Variants in CDH13 observed in about 807,000 individuals in gnomAD.
CDH13 encodes cadherin 13.
In CDH13, 24 loss-of-function variants were observed where a neutral mutation model predicts 63.8. The observed-to-expected ratio is 0.38, with a 90% CI of 0.27 to 0.53. The LOEUF (loss-of-function observed/expected upper bound fraction) is 0.53. CDH13 is among the 20% of genes least tolerant of loss of function. CDH13 has a pLI of 0.85. For synonymous variants in CDH13, 503 were observed against 355.3 expected (o/e 1.42, Z -4.67); for missense variants, 1,049 against 903.1 (o/e 1.16, Z -2.07).
At position 83,254,296 on chromosome 16, in the gene CDH13, G is replaced by GTTCC. The variant is rs1334119913; in HGVS notation, c.636+36802_636+36805dup. On this transcript the variant is annotated intron_variant, in intron 5 of 13. Coordinates refer to ENST00000567109, the MANE Select transcript of CDH13 (RefSeq NM_001257.5). ...TAGCTCACTGCTTAGCATCATGATC[G>GTTCC]TTCCTTAAAATGAGATTCAGGGCTC... Among the ~76,000 whole-genome samples, 7 of 152,168 alleles carry GTTCC rather than the reference G, an allele frequency of 4.6e-5. No individual in the cohort carries two copies. The East Asian group carries it at 1.3e-3, about 29-fold the overall frequency.
rs16960969 is a variant in CDH13 at position 83,597,873 on chromosome 16, G to A, written c.961-4581G>A. Among the ~76,000 whole-genome samples, 1,486 of 152,208 alleles carry A rather than the reference G, an allele frequency of 9.8e-3. 95 individuals are homozygous for A. In the East Asian group the frequency reaches 0.17, roughly 18 times the overall value. ...CAATGTATCCTTCCCTTGTGCTACC[G>A]TAAGAATTTGTACATACCTCTGCTA... On this transcript the variant is annotated intron_variant, in intron 7 of 13. Transcript: ENST00000567109.
intron 7 of CDH13, among the ~76,000 whole-genome samples, chr16:83,563,554 G>T (rs888609033): frequency 6.6e-6 from 1 of 152,288 alleles, no homozygotes; most frequent in Middle Eastern, 3.4e-3. Flanking sequence ...CAGTTATCCT[G>T]TCCTTACTGT....
intron 6 of CDH13, among the ~76,000 whole-genome samples, chr16:83,448,018 G>A (rs570456333): frequency 6.6e-5 from 10 of 152,226 alleles, no homozygotes; most frequent in Admixed American, 3.9e-4. Flanking sequence ...GAACTTGCCT[G>A]GAGCAGGTAC....
At chr16:83,519,131 A>C (rs895045696) in intron 7 of CDH13, among the ~76,000 whole-genome samples, 1 of 152,182 alleles carries the variant, frequency 6.6e-6, no homozygotes. Flanking sequence ...TTTTATAGGG[A>C]CTGGGACACA....
chr16:83,785,542 C>A (rs745365028), intron 13 of CDH13, among the ~76,000 whole-genome samples: 3 of 152,150 alleles, frequency 2.0e-5, no homozygotes, highest in Non-Finnish European at 4.4e-5. Flanking sequence ...ACACATTATG[C>A]TTGTTTGCCC....
chr16:82,694,615 T>C (rs1017847634), intron 1 of CDH13, among the ~76,000 whole-genome samples: 2 of 152,222 alleles, frequency 1.3e-5, no homozygotes, highest in African/African-American at 4.8e-5. Flanking sequence ...TACTCAGCTT[T>C]TTTGGTGAAT....
chr16:83,127,945 G>A (rs913782894), intron 4 of CDH13, among the ~76,000 whole-genome samples: 2 of 152,204 alleles, frequency 1.3e-5, no homozygotes, highest in Non-Finnish European at 2.9e-5. Context: ...CCTAGCCACT[G>A]TGATGATCCT....
intron 6 of CDH13, among the ~76,000 whole-genome samples, chr16:83,420,129 A>G (rs2071673501): frequency 2.0e-5 from 3 of 152,206 alleles, no homozygotes; most frequent in African/African-American, 7.2e-5. Context: ...TCTCAAGATC[A>G]GGACATAGAG....
rs189454518 is a variant in CDH13, at chr16:83,539,817, A to G, written c.960+53162A>G. ...CACTCTGTGTGGCCCCAGAGGAGGA[A>G]TGGTTCTAGAAAGAAATATTTTAGC... is the stretch of plus-strand genomic sequence containing the variant. On this transcript the variant is annotated intron_variant, in intron 7 of 13. Coordinates refer to ENST00000567109, the MANE Select transcript of CDH13 (RefSeq NM_001257.5). 2.8e-3 allele frequency among the ~76,000 whole-genome samples: 426 copies of G among 152,302 alleles called. 7 individuals are homozygous for G. The highest frequency in any genetic ancestry group is 1.0e-3 in the Non-Finnish European group (70 of 68,024).
chr16:83,458,332 A>C (rs1481426900), intron 6 of CDH13, among the ~76,000 whole-genome samples: 1 of 152,224 alleles, frequency 6.6e-6, no homozygotes, highest in Non-Finnish European at 1.5e-5. Context: ...CAAAATCTCA[A>C]GCACAGAAAT....
intron 4 of CDH13, among the ~76,000 whole-genome samples, chr16:83,171,366 A>C (rs530862467): frequency 6.6e-6 from 1 of 152,148 alleles, no homozygotes; most frequent in Non-Finnish European, 1.5e-5. Flanking sequence ...CCCATGATCC[A>C]GTCACCTGCC....
At chr16:83,516,906 C>G (rs1179803167) in intron 7 of CDH13, among the ~76,000 whole-genome samples, 1 of 152,080 alleles carries the variant, frequency 6.6e-6, no homozygotes, top group Non-Finnish European at 1.5e-5. Flanking sequence ...ATTTTGAGAC[C>G]TGGAAATTGT....
intron 1 of CDH13, among the ~76,000 whole-genome samples, chr16:82,739,365 T>G (rs183192445): frequency 1.3e-5 from 2 of 152,308 alleles, no homozygotes; most frequent in Admixed American, 1.3e-4. Context: ...ACCAAGAATT[T>G]CCATTTAAAT....
intron 2 of CDH13, among the ~76,000 whole-genome samples, chr16:82,997,302 G>T (rs1912354165): frequency 6.6e-6 from 1 of 152,182 alleles, no homozygotes; most frequent in Non-Finnish European, 1.5e-5. Flanking sequence ...TAAACTCACA[G>T]TGCTCAGTAT....
intron 2 of CDH13, among the ~76,000 whole-genome samples, chr16:83,000,249 T>TTTTTTTTTTTTTTTTTTTG (rs1912744844): frequency 8.6e-6 from 1 of 116,012 alleles, no homozygotes; most frequent in Non-Finnish European, 1.8e-5. Flanking sequence ...TTTTTTTTTT[T>TTTTTTTTTTTTTTTTTTTG]TTTTTTTTTT....
At chr16:83,568,100 TC>T (rs962375088) in intron 7 of CDH13, among the ~76,000 whole-genome samples, 1 of 151,932 alleles carries the variant, frequency 6.6e-6, no homozygotes, top group Non-Finnish European at 1.5e-5. Flanking sequence ...TAAATCAAAT[TC>T]TCTTCTCCTC....
chr16:83,470,237 T>C (rs917269887), intron 6 of CDH13, among the ~76,000 whole-genome samples: 3 of 152,160 alleles, frequency 2.0e-5, no homozygotes, highest in Non-Finnish European at 2.9e-5. Flanking sequence ...TTTGCTTTTT[T>C]TAGAGAAAGG....
chr16:83,646,730 C>CACAG (rs1257261452), intron 8 of CDH13, among the ~76,000 whole-genome samples: 1 of 146,614 alleles, frequency 6.8e-6, no homozygotes, highest in East Asian at 2.1e-4. Context: ...CACACACACA[C>CACAG]ACACACACAG....
At chr16:83,583,443 G>C (rs72793489) in intron 7 of CDH13, among the ~76,000 whole-genome samples, 10,993 of 152,226 alleles carry the variant, frequency 0.072, 477 homozygotes, top group Non-Finnish European at 0.084. Flanking sequence ...TCTCTGTCCA[G>C]GATTTATTGC....
Sources: gnomAD v4.1 joint callset for allele counts (sites outside exome capture counted in the v4.1 genomes callset) on GRCh38, gnomAD v4.1.1 for gene constraint, MANE v1.5 for transcripts, NCBI Gene and HGNC (gene_info 2026-07-23, HGNC 2026-07-21) for gene names.